Variants in SLCO6A1 observed in about 807,000 individuals in gnomAD.
SLCO6A1 encodes cancer/testis antigen 48.
A neutral mutation model predicts 72.7 loss-of-function variants in SLCO6A1; 65 were observed. That is an observed-to-expected ratio of 0.89 (90% CI 0.73 to 1.10). SLCO6A1 has a LOEUF of 1.10. Ranked by LOEUF, SLCO6A1 falls within the 50% of genes least tolerant of loss-of-function variation. The probability of loss-of-function intolerance (pLI) is 0.00; values close to 1 mark genes in which losing one functional copy is unlikely to be tolerated. For missense variants in SLCO6A1, 874 were observed against 872.6 expected (o/e 1.00, Z -0.02); for synonymous variants, 314 against 298.2 (o/e 1.05, Z -0.55).
intron 1 of SLCO6A1, among the ~76,000 whole-genome samples, chr5:102,487,324 A>G (rs547327038): frequency 6.6e-6 from 1 of 152,340 alleles, no homozygotes; most frequent in South Asian, 2.1e-4. Context: ...ACAAGTCTTC[A>G]TCAATTTGCT....
chr5:102,440,053 A>G (rs1218048654), intron 6 of SLCO6A1, among the ~76,000 whole-genome samples: 15 of 152,200 alleles, frequency 9.9e-5, no homozygotes, highest in Admixed American at 9.8e-4. Flanking sequence ...GATCTTTCAC[A>G]GTCTCAGAAC....
intron 7 of SLCO6A1, among the ~76,000 whole-genome samples, chr5:102,434,590 T>G (rs141082625): frequency 1.3e-5 from 2 of 152,284 alleles, no homozygotes; most frequent in African/African-American, 4.8e-5. Context: ...CTTGTTAGCT[T>G]ACAGATAGGA....
intron 4 of SLCO6A1, among the ~76,000 whole-genome samples, chr5:102,471,645 G>A (rs10038809): frequency 0.65 from 98,295 of 151,860 alleles, 32,018 homozygotes; most frequent in African/African-American, 0.67. Flanking sequence ...TTTAATAACT[G>A]TGTCCAATTT....
intron 12 of SLCO6A1, among the ~76,000 whole-genome samples, chr5:102,378,917 G>A (rs1257842821): frequency 1.3e-5 from 2 of 151,706 alleles, no homozygotes; most frequent in Non-Finnish European, 2.9e-5. Flanking sequence ...TTTAGCTGGG[G>A]TTACAGGTGC....
intron 4 of SLCO6A1, among the ~76,000 whole-genome samples, chr5:102,471,479 G>A (rs534756804): frequency 1.2e-4 from 19 of 152,060 alleles, no homozygotes; most frequent in Middle Eastern, 3.4e-3. Flanking sequence ...ACATTCACAC[G>A]CTTAAATGTT....
intron 9 of SLCO6A1, among the ~76,000 whole-genome samples, chr5:102,400,695 T>C (rs1261938506): frequency 1.3e-5 from 2 of 152,072 alleles, no homozygotes; most frequent in African/African-American, 4.8e-5. Flanking sequence ...ATTTTACTAG[T>C]GAAAAAATAA....
intron 1 of SLCO6A1, among the ~76,000 whole-genome samples, chr5:102,495,837 C>T (rs1246042504): frequency 1.3e-5 from 2 of 151,944 alleles, no homozygotes; most frequent in African/African-American, 4.8e-5. Flanking sequence ...ATCAAACAGA[C>T]CCAGATTGAA....
intron 10 of SLCO6A1, among the ~76,000 whole-genome samples, chr5:102,399,305 T>C (rs1747268881): frequency 6.6e-6 from 1 of 152,042 alleles, no homozygotes; most frequent in Admixed American, 6.6e-5. Flanking sequence ...TGTTTCTATG[T>C]GTGTTAAATT....
At chr5:102,442,855 A>G (rs1749915107) in intron 6 of SLCO6A1, among the ~76,000 whole-genome samples, 1 of 151,986 alleles carries the variant, frequency 6.6e-6, no homozygotes, top group African/African-American at 2.4e-5. Flanking sequence ...TGAGGTCAGG[A>G]GTTCGAGACC....
In SLCO6A1 at chr5:102,374,278, T is replaced by G. The variant is rs1407797928; in HGVS notation, c.2018-784A>C. On this transcript the variant is annotated intron_variant, in intron 12 of 13. Transcript: ENST00000506729. Reference sequence around the variant, plus strand: ...GCCTTCAAATCCCAAAGTACTGGGATTACAGACAGGAGCCACCACCATGCT... The same window carrying G: ...GCCTTCAAATCCCAAAGTACTGGGAGTACAGACAGGAGCCACCACCATGCT... Among the ~76,000 whole-genome samples, 3 of 152,156 alleles carry G rather than the reference T, an allele frequency of 2.0e-5. No individual in the cohort carries two copies. In the East Asian group the frequency reaches 5.8e-4, roughly 29 times the overall value.
At chr5:102,495,432 A>G (rs1003183883) in intron 1 of SLCO6A1, among the ~76,000 whole-genome samples, 2 of 141,278 alleles carry the variant, frequency 1.4e-5, no homozygotes, top group Non-Finnish European at 3.0e-5. Flanking sequence ...CATCTCTATT[A>G]AAAATACAAA....
chr5:102,418,013 C>G (rs935425490), intron 8 of SLCO6A1, among the ~76,000 whole-genome samples: 1 of 151,652 alleles, frequency 6.6e-6, no homozygotes, highest in African/African-American at 2.4e-5. Flanking sequence ...AAATTACTTA[C>G]TTTTTTCGTC....
chr5:102,409,527 G>A (rs1319147998), intron 9 of SLCO6A1, among the ~76,000 whole-genome samples: 1 of 151,902 alleles, frequency 6.6e-6, no homozygotes, highest in Non-Finnish European at 1.5e-5. Flanking sequence ...TGAAATTGAT[G>A]CTTATTCTAT....
chr5:102,427,864 ATTTTTTTTTTTTT>A (rs1200200259), intron 7 of SLCO6A1, among the ~76,000 whole-genome samples: 18 of 76,274 alleles, frequency 2.4e-4, no homozygotes, highest in Admixed American at 1.9e-3. Context: ...ATATATATAT[ATTTTTTTTTTTTT>A]TTTTTTTTTT....
At position 102,388,841 on chromosome 5, in the gene SLCO6A1, T is replaced by C. The variant is rs758141155; in HGVS notation, c.1880-16A>G. 2 of 1,586,582 alleles carry C rather than the reference T, an allele frequency of 1.3e-6. No homozygotes were observed. The highest frequency in any genetic ancestry group is 1.7e-6 in the Non-Finnish European group (2 of 1,172,026). ...GGAATAGTCCCTATGAAAAATGCAA[T>C]GATTGTAAATTCTTTGTGAAAACAC... is the stretch of plus-strand genomic sequence containing the variant. On this transcript the variant is annotated splice_polypyrimidine_tract_variant and intron_variant, in intron 11 of 13. Transcript: ENST00000506729.
Position 102,385,674 on chromosome 5 carries a change from A to G in SLCO6A1, c.2017+3014T>C, listed in dbSNP as rs376541665. ...TTTCTTTTTTATGGCTTGTATCTCT[A>G]TTGTATTCTCATTTTGTTTGTGTAT... On this transcript the variant is annotated intron_variant, in intron 12 of 13. Coordinates refer to ENST00000506729, the MANE Select transcript of SLCO6A1 (RefSeq NM_173488.5). Among the ~76,000 whole-genome samples, 30 of 151,300 alleles carry G rather than the reference A, an allele frequency of 2.0e-4. No individual in the cohort carries two copies. The East Asian group carries it at 3.5e-3, about 18-fold the overall frequency.
intron 7 of SLCO6A1, 62 bp from the exon 8 acceptor site, chr5:102,420,083 T>C: frequency 2.3e-6 from 3 of 1,280,962 alleles, no homozygotes; most frequent in Non-Finnish European, 3.2e-6. Context: ...AGATAATACA[T>C]ACATTGATAC....
rs548410549 is a variant in SLCO6A1 at position 102,420,368 on chromosome 5, T to C, written c.1277-347A>G. On this transcript the variant is annotated intron_variant, in intron 7 of 13. Transcript: ENST00000506729. ...ATCTATTATTAACAAGCTTCCTGGA[T>C]TTATAGCTTATCACAAGAGACAGGA... Among the ~76,000 whole-genome samples the C allele has an allele frequency of 1.6e-4, 25 of 152,290 alleles. 1 individual carries two copies. In the South Asian group the frequency reaches 3.9e-3, roughly 24 times the overall value.
chr5:102,390,433 A>T (rs541016249), intron 11 of SLCO6A1, among the ~76,000 whole-genome samples: 1 of 152,210 alleles, frequency 6.6e-6, no homozygotes, highest in Non-Finnish European at 1.5e-5. Context: ...TATGCCTTTC[A>T]GTCTTTAATC....
Sources: gnomAD v4.1 joint callset for allele counts (sites outside exome capture counted in the v4.1 genomes callset) on GRCh38, gnomAD v4.1.1 for gene constraint, MANE v1.5 for transcripts, NCBI Gene and HGNC (gene_info 2026-07-23, HGNC 2026-07-21) for gene names.